The following SAMD12 variants were observed in gnomAD, a reference collection of about 807,000 sequenced individuals.
The protein encoded by SAMD12 is sterile alpha motif domain-containing protein 12.
Under a neutral mutation model 15.0 loss-of-function variants are expected in SAMD12, and 9 were observed. The observed-to-expected ratio is 0.60, with a 90% CI of 0.36 to 1.05. The LOEUF is 1.05. SAMD12 is among the 50% of genes least tolerant of loss of function. The pLI, the probability that SAMD12 is intolerant of heterozygous loss-of-function variation, is 0.01. For synonymous variants in SAMD12, 86 were observed against 90.1 expected, an observed-to-expected ratio of 0.96 and a Z score of 0.25; for missense variants, 230 against 234.2, an observed-to-expected ratio of 0.98 and a Z score of 0.12.
At chr8:118,404,472 T>C (rs1032363881) in intron 3 of SAMD12, among the ~76,000 whole-genome samples, 7 of 152,222 alleles carry the variant, frequency 4.6e-5, no homozygotes, top group African/African-American at 1.7e-4. Context: ...GATAGGTGGT[T>C]GAAATAGTCT....
chr8:118,265,227 T>C (rs905532849), intron 4 of SAMD12, among the ~76,000 whole-genome samples: 2 of 152,178 alleles, frequency 1.3e-5, no homozygotes, highest in African/African-American at 4.8e-5. Context: ...TATGGGCATC[T>C]GACATCTTTA....
At chr8:118,593,962 C>T (rs888205382) in intron 1 of SAMD12, among the ~76,000 whole-genome samples, 8 of 152,306 alleles carry the variant, frequency 5.3e-5, no homozygotes, top group African/African-American at 1.7e-4. Context: ...TTTATAAAAG[C>T]GACTTCCTAT....
At chr8:118,418,239 A>AAAAGACT (rs1821807888) in intron 3 of SAMD12, among the ~76,000 whole-genome samples, 1 of 152,166 alleles carries the variant, frequency 6.6e-6, no homozygotes, top group Non-Finnish European at 1.5e-5. Context: ...GCCTGGTTTC[A>AAAAGACT]CCCTTAGTGG....
At chr8:118,288,856 G>A (rs1406678826) in intron 4 of SAMD12, among the ~76,000 whole-genome samples, 1 of 151,998 alleles carries the variant, frequency 6.6e-6, no homozygotes, top group African/African-American at 2.4e-5. Context: ...AAATACCAGG[G>A]GCACATATAT....
At chr8:118,608,398 C>T (rs1828030278) in intron 1 of SAMD12, among the ~76,000 whole-genome samples, 1 of 152,064 alleles carries the variant, frequency 6.6e-6, no homozygotes, top group African/African-American at 2.4e-5. Flanking sequence ...ATTTCTTAAG[C>T]ACTGCATTGC....
At chr8:118,409,215 G>C (rs1298830787) in intron 3 of SAMD12, among the ~76,000 whole-genome samples, 2 of 152,094 alleles carry the variant, frequency 1.3e-5, no homozygotes, top group African/African-American at 4.8e-5. Context: ...CCTCCAGTGG[G>C]AATGCAATTT....
intron 4 of SAMD12, among the ~76,000 whole-genome samples, chr8:118,333,408 C>T (rs1379463790): frequency 6.6e-6 from 1 of 152,152 alleles, no homozygotes; most frequent in Non-Finnish European, 1.5e-5. Context: ...CCCAGGCTTG[C>T]TCAGCTTTCT....
chr8:118,164,437 G>T, the SAMD12 span, among the ~76,000 whole-genome samples: 1 of 152,190 alleles, frequency 6.6e-6, no homozygotes, highest in Non-Finnish European at 1.5e-5. Context: ...TCTGTCTCCA[G>T]CCTGCAGGGG....
the SAMD12 span, among the ~76,000 whole-genome samples, chr8:118,157,384 C>T: frequency 6.6e-6 from 1 of 152,064 alleles, no homozygotes; most frequent in African/African-American, 2.4e-5. Context: ...CATGGAACAC[C>T]AATACCAGGA....
intron 2 of SAMD12, 49 bp downstream of exon 2, chr8:118,580,666 T>C (rs1827269538): frequency 2.1e-6 from 3 of 1,399,998 alleles, no homozygotes; most frequent in African/African-American, 1.4e-5. Context: ...CTACAACATA[T>C]AAAGGCTGCA....
chr8:118,256,229 G>A (rs1466665945), intron 4 of SAMD12, among the ~76,000 whole-genome samples: 1 of 152,026 alleles, frequency 6.6e-6, no homozygotes, highest in African/African-American at 2.4e-5. Context: ...TGTGTATGGT[G>A]GATAAATGGT....
chr8:118,313,446 C>T (rs1815727769), intron 4 of SAMD12, among the ~76,000 whole-genome samples: 1 of 152,146 alleles, frequency 6.6e-6, no homozygotes, highest in South Asian at 2.1e-4. Context: ...AATGTGAGAC[C>T]TGCCAATCTT....
At chr8:118,479,416 T>C (rs1365828437) in intron 2 of SAMD12, among the ~76,000 whole-genome samples, 1 of 152,216 alleles carries the variant, frequency 6.6e-6, no homozygotes, top group Admixed American at 6.5e-5. Flanking sequence ...ACCTCTTACA[T>C]GGCAGCGGCA....
intron 4 of SAMD12, among the ~76,000 whole-genome samples, chr8:118,297,414 G>A (rs1335227351): frequency 1.3e-5 from 2 of 152,066 alleles, no homozygotes; most frequent in African/African-American, 4.8e-5. Context: ...AATGTTTAAG[G>A]GAAGGTCACG....
chr8:118,414,960 A>AT (rs1490780793), intron 3 of SAMD12, among the ~76,000 whole-genome samples: 1 of 152,180 alleles, frequency 6.6e-6, no homozygotes, highest in Non-Finnish European at 1.5e-5. Flanking sequence ...AACTGATATA[A>AT]TTTTTCAAAA....
chr8:118,267,702 TG>T (rs1327516691), intron 4 of SAMD12, among the ~76,000 whole-genome samples: 3 of 47,114 alleles, frequency 6.4e-5, no homozygotes, highest in Non-Finnish European at 1.0e-4. Context: ...TCCCATCTGT[TG>T]TGTGTGTGTG....
At chr8:118,232,683 G>GT (rs1345169600) in intron 4 of SAMD12, among the ~76,000 whole-genome samples, 8 of 152,168 alleles carry the variant, frequency 5.3e-5, no homozygotes, top group African/African-American at 1.9e-4. Flanking sequence ...GCACGTGTGT[G>GT]TGTGTATGTG....
At chr8:118,440,862 T>C (rs1822737940) in intron 2 of SAMD12, among the ~76,000 whole-genome samples, 2 of 152,200 alleles carry the variant, frequency 1.3e-5, no homozygotes, top group African/African-American at 4.8e-5. Flanking sequence ...AATTTGGTTT[T>C]AGACAGATTA....
At chr8:118,502,019 C>CAA (rs778485490) in intron 2 of SAMD12, among the ~76,000 whole-genome samples, 1,922 of 80,322 alleles carry the variant, frequency 0.024, 61 homozygotes, top group African/African-American at 0.07. Context: ...GACTCCGTCT[C>CAA]AAAAAAAAAA....
Sources: allele counts gnomAD v4.1 joint callset (sites outside exome capture counted in the v4.1 genomes callset), GRCh38; gene constraint gnomAD v4.1.1; transcripts MANE v1.5; gene names NCBI Gene and HGNC (gene_info 2026-07-23, HGNC 2026-07-21).